The following F2 variants were observed in gnomAD, a reference collection of about 807,000 sequenced individuals.
F2 encodes coagulation factor II, thrombin, also known as prothrombin.
A neutral mutation model predicts 81.9 loss-of-function variants in F2; 34 were observed. The ratio of observed to expected loss-of-function variants is 0.42; its 90% confidence interval spans 0.32 to 0.55. The LOEUF (loss-of-function observed/expected upper bound fraction) is 0.55. Ranked by LOEUF, F2 falls within the 20% of genes least tolerant of loss-of-function variation. F2 has a pLI of 0.18. For synonymous variants in F2, 296 were observed against 326.4 expected (o/e 0.91, Z 1.01); for missense variants, 630 against 833.4 (o/e 0.76, Z 3.00).
rs1592414330 is a variant in F2 at position 46,728,099 on chromosome 11, C to T, written c.1234C>T (p.Pro412Ser). The T allele has an allele frequency of 6.2e-7, 1 of 1,610,974 alleles. No homozygotes were observed. The highest frequency in any genetic ancestry group is 8.5e-7 in the Non-Finnish European group (1 of 1,178,988). The change falls in exon 10 of 14, where the codon CCC becomes TCC. Residue 412 changes from proline (P) to serine (S), a missense_variant. Pro to Ser is a moderately conservative substitution (Grantham distance 74). Coordinates refer to ENST00000311907, the MANE Select transcript of F2 (RefSeq NM_000506.5). This position sits in a 1 kb window ranked among gnomAD's most constrained non-coding sequence, Gnocchi z 5.1. Reference sequence around the variant, plus strand: ...CGCCGCCCACTGCCTCCTGTACCCGCCCTGGGACAAGAACTTCACCGAGAA... The same window carrying T: ...CGCCGCCCACTGCCTCCTGTACCCGTCCTGGGACAAGAACTTCACCGAGAA... ...LTAAHCLLYP[P>S]WDKNFTENDL...
Position 46,729,426 on chromosome 11 carries a change from C to T in F2, c.1519C>T (p.Leu507=). 5 of 1,614,132 alleles carry T rather than the reference C, an allele frequency of 3.1e-6. No individual in the cohort carries two copies. The highest frequency in any genetic ancestry group is 4.2e-6 in the Non-Finnish European group (5 of 1,180,028). The part of the protein sequence containing the change: ...YKGRVTGWGN[L]KETWTANVGK... ...GGGGCGGGTGACAGGCTGGGGCAAC[C>T]TGAAGGAGACGTGGACAGCCAACGT... is the stretch of plus-strand genomic sequence containing the variant. Residue 507 remains leucine (L), a synonymous_variant, in exon 12 of 14, where the codon CTG becomes TTG. Transcript: ENST00000311907.
At position 46,723,350 on chromosome 11, in the gene F2, A is replaced by G. The variant is rs2064850411; in HGVS notation, c.423-32A>G. 1.2e-6 allele frequency: 2 copies of G among 1,613,390 alleles called. No individual in the cohort carries two copies. The highest frequency in any genetic ancestry group is 1.6e-4 in the Middle Eastern group (1 of 6,084). On this transcript the variant is annotated intron_variant, in intron 5 of 13. Transcript: ENST00000311907. The surrounding 1 kb of genome is among the most constrained non-coding windows in gnomAD (Gnocchi z 5.6). ...AGGGAGCAAGCGTACCTCAAGCCCA[A>G]CAGCCTCCTGTTGGGCAATTTCCTG...
At chr11:46,727,581 C>T (rs2064882374) in intron 9 of F2, among the ~76,000 whole-genome samples, 1 of 151,946 alleles carries the variant, frequency 6.6e-6, no homozygotes, top group South Asian at 2.1e-4. Context: ...AGTTCGAGGC[C>T]AGCCTGGGCA....
intron 12 of F2, among the ~76,000 whole-genome samples, chr11:46,736,006 A>C (rs536968402): frequency 6.6e-6 from 1 of 152,054 alleles, no homozygotes; most frequent in African/African-American, 2.4e-5. Flanking sequence ...AGTTTGAGAC[A>C]AGCCTGGCCG....
Position 46,719,622 on chromosome 11 carries a change from G to A in F2, c.80-80G>A, listed in dbSNP as rs2064822198. The A allele has an allele frequency of 6.6e-7, 1 of 1,523,730 alleles. No homozygotes were observed. The highest frequency in any genetic ancestry group is 1.4e-5 in the African/African-American group (1 of 72,484). The allele number at this position is 1,523,730 out of a possible 1,614,324, so 94.4% of individuals were successfully genotyped here. A position where few individuals can be genotyped will look rare whatever the true frequency, so the allele number is the denominator to read the frequency against. On this transcript the variant is annotated intron_variant, in intron 1 of 13. Transcript: ENST00000311907. This position sits in a 1 kb window ranked among gnomAD's most constrained non-coding sequence, Gnocchi z 4.7. ...TCTCAGAAGCCAGCAGGGGAGGGTG[G>A]GCTTGCTTCATGCCCCCAGAATGGC...
Position 46,734,105 on chromosome 11 carries a change from AT to A in F2, c.1654+4554del, listed in dbSNP as rs200314925. 6.6e-3 allele frequency among the ~76,000 whole-genome samples: 906 copies of A among 136,880 alleles called. 32 individuals are homozygous for A. The highest frequency in any genetic ancestry group is 0.061 in the Admixed American group (831 of 13,604). 89.8% of individuals were successfully genotyped at this position (136,880 alleles called of 152,430 possible). A position where few individuals can be genotyped will look rare whatever the true frequency, so the allele number is the denominator to read the frequency against. On this transcript the variant is annotated intron_variant, in intron 12 of 13. Transcript: ENST00000311907. The stretch of plus-strand genomic sequence containing the variant: ...CTGGCCTAAGGACCATTTTTATATA[AT>A]TTTTTTTTTGAGACAGAGTCTTGCT...
In F2 at chr11:46,720,814, G is replaced by A. The variant is rs200904690; in HGVS notation, c.290G>A (p.Arg97Gln). 1.2e-5 allele frequency: 20 copies of A among 1,614,064 alleles called. No homozygotes were observed. The highest frequency in any genetic ancestry group is 4.5e-5 in the East Asian group (2 of 44,880). ...GCTTGTGAGACAGCGAGGACGCCTC[G>A]AGATAAGCTTGCTGCATGTCTGGAA... ...YTACETARTPRDKLAACLEGN... is the reference protein window; with the variant it reads ...YTACETARTPQDKLAACLEGN... The change falls in exon 4 of 14, where the codon CGA becomes CAA. Residue 97 changes from arginine (R) to glutamine (Q), a missense_variant. Arg to Gln is a conservative substitution (Grantham distance 43). Transcript: ENST00000311907.
chr11:46,720,651 A>G, intron 3 of F2, 104 bp downstream of exon 3: 3 of 1,511,114 alleles, frequency 2.0e-6, no homozygotes, highest in Non-Finnish European at 2.8e-6. Context: ...CCACCCATCC[A>G]CCCCTTCCCC....
In F2 at chr11:46,729,463, A is replaced by G. The variant is rs763218313; in HGVS notation, c.1556A>G (p.Gln519Arg). 1 of 1,614,166 alleles carries G rather than the reference A, an allele frequency of 6.2e-7. No individual in the cohort carries two copies. Among genetic ancestry groups the G allele is most frequent in the East Asian group, 2.2e-5 (1 of 44,878 alleles). Residue 519 changes from glutamine (Q) to arginine (R), a missense_variant, in exon 12 of 14, where the codon CAG (glutamine) becomes CGG (arginine). Physicochemically the swap from Gln to Arg is conservative, Grantham distance 43. Transcript: ENST00000311907. ...ETWTANVGKG[Q>R]PSVLQVVNLP... ...TGGACAGCCAACGTTGGTAAGGGGC[A>G]GCCCAGTGTCCTGCAGGTGGTGAAC... is the stretch of plus-strand genomic sequence containing the variant.
Position 46,739,450 on chromosome 11 carries a change from A to G in F2, c.*42A>G. 6.2e-7 allele frequency: 1 copy of G among 1,612,730 alleles called. No homozygotes were observed. Among genetic ancestry groups the G allele is most frequent in the African/African-American group, 1.3e-5 (1 of 75,022 alleles). On this transcript the variant is annotated 3_prime_UTR_variant, in exon 14 of 14. Coordinates refer to ENST00000311907, the MANE Select transcript of F2 (RefSeq NM_000506.5). ...TGGGCTCCTGGAACCAATCCCGTGA[A>G]AGAATTATTTTTGTGTTTCTAAAAC...
Position 46,723,155 on chromosome 11 carries a change from G to T in F2, c.317-25G>T. ...AGGAAATAAGTCCCCAGGCTCCAAG[G>T]CTGACCGGGGTGGGGTCTCCGCAGG... On this transcript the variant is annotated intron_variant, in intron 4 of 13. Coordinates refer to ENST00000311907, the MANE Select transcript of F2 (RefSeq NM_000506.5). This position sits in a 1 kb window ranked among gnomAD's most constrained non-coding sequence, Gnocchi z 5.6. The T allele has an allele frequency of 1.9e-6, 3 of 1,608,808 alleles. No individual in the cohort carries two copies. Among genetic ancestry groups the T allele is most frequent in the Non-Finnish European group, 2.6e-6 (3 of 1,175,484 alleles).
In F2 at chr11:46,719,420, G is replaced by GTA. The variant is rs2064821135; in HGVS notation, c.79+107_79+108insAT. The stretch of plus-strand genomic sequence containing the variant: ...GCACACAGAGCTGGCCCCTAAGTAG[G>GTA]TCTCAGCCCCAGGCGGCCAGCTTAG... On this transcript the variant is annotated intron_variant, in intron 1 of 13. Transcript: ENST00000311907. The surrounding 1 kb of genome is among the most constrained non-coding windows in gnomAD (Gnocchi z 4.7). 2 of 1,351,042 alleles carry GTA rather than the reference G, an allele frequency of 1.5e-6. No individual in the cohort carries two copies. The highest frequency in any genetic ancestry group is 2.9e-5 in the African/African-American group (2 of 69,270). The allele number at this position is 1,351,042 out of a possible 1,614,324, so 83.7% of individuals were successfully genotyped here. A position where few individuals can be genotyped will look rare whatever the true frequency, so the allele number is the denominator to read the frequency against.
intron 12 of F2, among the ~76,000 whole-genome samples, chr11:46,738,304 G>A (rs1227331889): frequency 6.6e-6 from 1 of 152,180 alleles, no homozygotes; most frequent in Middle Eastern, 3.4e-3. Flanking sequence ...TAGTGAAGGT[G>A]TGGTTTTTTT....
At position 46,729,572 on chromosome 11, in the gene F2, G is replaced by T; in HGVS notation, c.1654+11G>T. 1 of 1,607,804 alleles carries T rather than the reference G, an allele frequency of 6.2e-7. No individual in the cohort carries two copies. The highest frequency in any genetic ancestry group is 1.1e-5 in the South Asian group (1 of 90,932). ...ACATGTTCTGTGCTGGCAAGTCTGT[G>T]CAGGGCGGGCTGAGGGAACAGTGGG... On this transcript the variant is annotated intron_variant, in intron 12 of 13. Transcript: ENST00000311907.
In F2 at chr11:46,729,528, C is replaced by A. The variant is rs886048338; in HGVS notation, c.1621C>A (p.Arg541=). Residue 541 remains arginine (R), a synonymous_variant, in exon 12 of 14, where the codon CGG becomes AGG. Transcript: ENST00000311907. The part of the protein sequence containing the change: ...VERPVCKDST[R]IRITDNMFCA... ...GCGGCCGGTCTGCAAGGACTCCACCCGGATCCGCATCACTGACAACATGTT... is the reference window on the plus strand; with the variant it reads ...GCGGCCGGTCTGCAAGGACTCCACCAGGATCCGCATCACTGACAACATGTT... The A allele has an allele frequency of 8.1e-6, 13 of 1,613,854 alleles. No homozygotes were observed. Among genetic ancestry groups the A allele is most frequent in the Non-Finnish European group, 1.0e-5 (12 of 1,179,804 alleles).
chr11:46,721,171 G>A (rs573447425), intron 4 of F2, among the ~76,000 whole-genome samples: 20 of 150,904 alleles, frequency 1.3e-4, no homozygotes, highest in South Asian at 4.2e-4. Context: ...AACCTCCCAA[G>A]TAGCTGGGAT....
At chr11:46,724,228 T>C (rs1481806551) in intron 6 of F2, among the ~76,000 whole-genome samples, 1 of 152,220 alleles carries the variant, frequency 6.6e-6, no homozygotes, top group Non-Finnish European at 1.5e-5. Flanking sequence ...TAAGTAGCTA[T>C]AGCCACCCCT....
intron 12 of F2, among the ~76,000 whole-genome samples, chr11:46,734,461 T>A (rs1456778344): frequency 6.6e-6 from 1 of 152,174 alleles, no homozygotes; most frequent in Non-Finnish European, 1.5e-5. Flanking sequence ...AAAAAATTAC[T>A]AGGTAGTCAA....
Position 46,723,256 on chromosome 11 carries a change from A to G in F2, c.393A>G (p.Leu131=). 1.9e-6 allele frequency: 3 copies of G among 1,614,046 alleles called. No individual in the cohort carries two copies. The highest frequency in any genetic ancestry group is 1.7e-6 in the Non-Finnish European group (2 of 1,179,988). ...NITRSGIECQ[L]WRSRYPHKPE... ...CCCGGTCAGGCATTGAGTGCCAGCT[A>G]TGGAGGAGTCGCTACCCACATAAGC... Residue 131 remains leucine, a synonymous_variant, in exon 5 of 14, where the codon CTA becomes CTG. Transcript: ENST00000311907. This position sits in a 1 kb window ranked among gnomAD's most constrained non-coding sequence, Gnocchi z 5.6.
Sources: gnomAD v4.1 joint callset for allele counts (sites outside exome capture counted in the v4.1 genomes callset) on GRCh38, gnomAD v4.1.1 for gene constraint, Gnocchi (gnomAD v3.1) non-coding constraint, MANE v1.5 for transcripts, NCBI Gene and HGNC (gene_info 2026-07-23, HGNC 2026-07-21) for gene names.